Variants in CDH6 observed in about 807,000 individuals in gnomAD.
CDH6 encodes cadherin-6.
CDH6 carries 31 observed loss-of-function variants against 78.0 expected under a neutral mutation model. The ratio of observed to expected loss-of-function variants is 0.40; its 90% CI spans 0.30 to 0.54. The LOEUF is 0.54. Among genes scored for constraint, CDH6 ranks in the 20% least tolerant of loss-of-function variants. The pLI, the probability that CDH6 is intolerant of heterozygous loss-of-function variation, is 0.56. For synonymous variants in CDH6, 376 were observed against 368.8 expected (o/e 1.02, Z -0.23); for missense variants, 724 against 975.9 (o/e 0.74, Z 3.44).
intron 2 of CDH6, among the ~76,000 whole-genome samples, chr5:31,286,302 G>C (rs556952961): frequency 6.6e-6 from 1 of 152,278 alleles, no homozygotes; most frequent in Admixed American, 6.5e-5. Flanking sequence ...ATGTGCTGAT[G>C]GCTAAGTGGG....
chr5:31,313,252 T>C, intron 7 of CDH6, 66 bp from the exon 8 acceptor site: 1 of 1,401,928 alleles, frequency 7.1e-7, no homozygotes, highest in Non-Finnish European at 9.9e-7. Context: ...TGTTTTATGA[T>C]GTTCTATGAT....
intron 1 of CDH6, among the ~76,000 whole-genome samples, chr5:31,198,179 G>A (rs1740222552): frequency 6.6e-6 from 1 of 152,160 alleles, no homozygotes. Context: ...ACAAAGAAAA[G>A]TTATTGAAGG....
At chr5:31,273,295 T>C (rs555359118) in intron 2 of CDH6, among the ~76,000 whole-genome samples, 3 of 152,316 alleles carry the variant, frequency 2.0e-5, no homozygotes, top group African/African-American at 7.2e-5. Flanking sequence ...CTGGCACTAA[T>C]TCCATGCGTG....
intron 6 of CDH6, among the ~76,000 whole-genome samples, chr5:31,302,792 GAGAGAGAGAAAGAAAGAA>G (rs1357837687): frequency 3.4e-4 from 20 of 58,616 alleles, no homozygotes; most frequent in African/African-American, 1.2e-3. Context: ...GAGAGAGAGA[GAGAGAGAGAAAGAAAGAA>G]AGAAAGAAAG....
intron 6 of CDH6, among the ~76,000 whole-genome samples, chr5:31,302,796 GAGAGAA>G (rs1483761525): frequency 2.8e-3 from 87 of 31,146 alleles, no homozygotes; most frequent in African/African-American, 8.7e-3. Flanking sequence ...GAGAGAGAGA[GAGAGAA>G]AGAAAGAAAG....
In CDH6 at chr5:31,231,361, C is replaced by T. The variant is rs541188047; in HGVS notation, c.-128-35985C>T. 7.9e-5 allele frequency among the ~76,000 whole-genome samples: 12 copies of T among 152,182 alleles called. No individual in the cohort carries two copies. The South Asian group carries it at 1.0e-3, about 13-fold the overall frequency. Reference sequence around the variant, plus strand: ...GTATCCTTAACAGATTACTGTTTGGCGGGGTCAGAATTCCCATGAATCATA... The same window carrying T: ...GTATCCTTAACAGATTACTGTTTGGTGGGGTCAGAATTCCCATGAATCATA... On this transcript the variant is annotated intron_variant, in intron 1 of 11. Transcript: ENST00000265071.
intron 2 of CDH6, among the ~76,000 whole-genome samples, chr5:31,280,198 T>C (rs1420030543): frequency 6.6e-6 from 1 of 152,214 alleles, no homozygotes; most frequent in African/African-American, 2.4e-5. Flanking sequence ...AAGTATTCCC[T>C]GGCAGGCTAC....
chr5:31,227,388 T>C (rs1741183112), intron 1 of CDH6, among the ~76,000 whole-genome samples: 1 of 152,328 alleles, frequency 6.6e-6, no homozygotes, highest in Non-Finnish European at 1.5e-5. Context: ...CCCAGTCCCA[T>C]ATACTGTATA....
chr5:31,231,291 C>A (rs957801823), intron 1 of CDH6, among the ~76,000 whole-genome samples: 1 of 152,140 alleles, frequency 6.6e-6, no homozygotes, highest in Non-Finnish European at 1.5e-5. Flanking sequence ...CTGAAATTCC[C>A]AGGATTTTGT....
intron 1 of CDH6, among the ~76,000 whole-genome samples, chr5:31,242,698 G>GA (rs1318446696): frequency 6.2e-5 from 7 of 113,646 alleles, no homozygotes; most frequent in African/African-American, 3.1e-4. Flanking sequence ...TACAGAATAA[G>GA]AATGGGGGGG....
chr5:31,281,809 T>A (rs1224842281), intron 2 of CDH6, among the ~76,000 whole-genome samples: 2 of 152,148 alleles, frequency 1.3e-5, no homozygotes, highest in African/African-American at 4.8e-5. Context: ...GGAGGGTTGC[T>A]TTGATGTGAA....
At chr5:31,199,659 G>A (rs1740285851) in intron 1 of CDH6, among the ~76,000 whole-genome samples, 5 of 109,830 alleles carry the variant, frequency 4.6e-5, no homozygotes, top group South Asian at 3.1e-4. Flanking sequence ...GTGTGTATGT[G>A]TGTGTGTGTA....
At chr5:31,231,650 T>G (rs1397951105) in intron 1 of CDH6, among the ~76,000 whole-genome samples, 1 of 152,176 alleles carries the variant, frequency 6.6e-6, no homozygotes, top group Admixed American at 6.5e-5. Context: ...CTCAGATCTT[T>G]CTTCCTCTTC....
chr5:31,312,455 T>C (rs184798555), intron 7 of CDH6, among the ~76,000 whole-genome samples: 134 of 152,362 alleles, frequency 8.8e-4, no homozygotes, highest in African/African-American at 3.1e-3. Flanking sequence ...TCCCAGCACT[T>C]CGGGAGGCCG....
In CDH6 at chr5:31,227,381, A is replaced by T. The variant is rs74482277; in HGVS notation, c.-129+33495A>T. 4.5e-3 allele frequency among the ~76,000 whole-genome samples: 692 copies of T among 152,332 alleles called. 9 individuals carry two copies. Among genetic ancestry groups the T allele is most frequent in the African/African-American group, 0.016 (668 of 41,568 alleles). Reference sequence around the variant, plus strand: ...TTCAACTGATATTTTTTATTTGCCCAGTCCCATATACTGTATACAAGTATA... The same window carrying T: ...TTCAACTGATATTTTTTATTTGCCCTGTCCCATATACTGTATACAAGTATA... On this transcript the variant is annotated intron_variant, in intron 1 of 11. Transcript: ENST00000265071.
At chr5:31,198,839 C>T (rs964853460) in intron 1 of CDH6, among the ~76,000 whole-genome samples, 6 of 152,092 alleles carry the variant, frequency 3.9e-5, no homozygotes, top group Admixed American at 1.3e-4. Context: ...ACACACTACT[C>T]ATCTCTACCA....
At chr5:31,241,395 T>A (rs1023040903) in intron 1 of CDH6, among the ~76,000 whole-genome samples, 1 of 152,226 alleles carries the variant, frequency 6.6e-6, no homozygotes, top group Non-Finnish European at 1.5e-5. Context: ...AAAGTATTCC[T>A]CATGGATGGA....
intron 11 of CDH6, 22 bp from the exon 12 acceptor site, chr5:31,322,796 C>G (rs751835263): frequency 2.5e-6 from 4 of 1,590,972 alleles, no homozygotes; most frequent in Non-Finnish European, 3.4e-6. Context: ...CCTTCCCTTT[C>G]TGTTTTGTTT....
rs1738623821 is a variant in CDH6, at chr5:31,326,290, A to G, written c.*2982A>G. 1 of 220,248 alleles carries G rather than the reference A, an allele frequency of 4.5e-6. No individual in the cohort carries two copies. The highest frequency in any genetic ancestry group is 9.1e-6 in the Non-Finnish European group (1 of 109,914). 13.6% of individuals were successfully genotyped at this position (220,248 alleles called of 1,614,324 possible). On this transcript the variant is annotated 3_prime_UTR_variant, in exon 12 of 12. Transcript: ENST00000265071. ...ATGTTTTTGCCCTCTATTCAAAAGC[A>G]AGAGTTCCTTTAAACTACTAAGATA...
Sources: allele counts gnomAD v4.1 joint callset (sites outside exome capture counted in the v4.1 genomes callset), GRCh38; gene constraint gnomAD v4.1.1; transcripts MANE v1.5; gene names NCBI Gene and HGNC (gene_info 2026-07-23, HGNC 2026-07-21).